RSBN1L: variants seen among roughly 807,000 people sequenced by gnomAD.
The protein encoded by RSBN1L is lysine-specific demethylase RSBN1L.
RSBN1L carries 30 observed loss-of-function variants against 67.7 expected under a neutral mutation model. That is an observed-to-expected ratio of 0.44 (90% CI 0.33 to 0.60). The LOEUF (loss-of-function observed/expected upper bound fraction) is 0.60, where lower values mean the gene tolerates loss of function less well. RSBN1L is among the 20% of genes least tolerant of loss of function. RSBN1L has a pLI of 0.02. For missense variants in RSBN1L, 992 were observed against 1,031.7 expected, an observed-to-expected ratio of 0.96 and a Z score of 0.53; for synonymous variants, 433 against 387.0, an observed-to-expected ratio of 1.12 and a Z score of -1.39.
At chr7:77,760,351 A>G (rs1013865337) in intron 3 of RSBN1L, among the ~76,000 whole-genome samples, 1 of 152,088 alleles carries the variant, frequency 6.6e-6, no homozygotes, top group Non-Finnish European at 1.5e-5. Context: ...TCCCTTCATA[A>G]TATTTATAGA....
In RSBN1L at chr7:77,716,061, T is replaced by C. The variant is rs955700307; in HGVS notation, c.586+19006T>C. Among the ~76,000 whole-genome samples, 6 of 152,168 alleles carry C rather than the reference T, an allele frequency of 3.9e-5. No individual in the cohort carries two copies. The East Asian group carries it at 1.2e-3, about 29-fold the overall frequency. ...CTGTCTTTTCTTTCTCTTAATACTT[T>C]CACAGTTTTTCATAGCAGAAATTTA... On this transcript the variant is annotated intron_variant, in intron 1 of 7. Coordinates refer to ENST00000334955, the MANE Select transcript of RSBN1L (RefSeq NM_198467.3).
In RSBN1L at chr7:77,730,021, C is replaced by T. The variant is rs566072180; in HGVS notation, c.587-6389C>T. Reference sequence around the variant, plus strand: ...TCTTTATGTGTGGGCTAAACACATACTTTATATATGTTTAAAAAGTGTGTG... The same window carrying T: ...TCTTTATGTGTGGGCTAAACACATATTTTATATATGTTTAAAAAGTGTGTG... On this transcript the variant is annotated intron_variant, in intron 1 of 7. Coordinates refer to ENST00000334955, the MANE Select transcript of RSBN1L (RefSeq NM_198467.3). 2.6e-5 allele frequency among the ~76,000 whole-genome samples: 4 copies of T among 152,258 alleles called. No individual in the cohort carries two copies. The South Asian group carries it at 8.3e-4, about 32-fold the overall frequency.
chr7:77,725,801 G>C (rs190867701), intron 1 of RSBN1L, among the ~76,000 whole-genome samples: 6 of 151,452 alleles, frequency 4.0e-5, no homozygotes, highest in African/African-American at 1.5e-4. Context: ...TGTTGGTCAG[G>C]TTGGTCTGGA....
At chr7:77,700,776 A>G (rs1790805312) in intron 1 of RSBN1L, among the ~76,000 whole-genome samples, 1 of 152,046 alleles carries the variant, frequency 6.6e-6, no homozygotes, top group Non-Finnish European at 1.5e-5. Flanking sequence ...TGTACCCTCC[A>G]GTAGCTCCAT....
chr7:77,732,886 A>T (rs1030627949), intron 1 of RSBN1L, among the ~76,000 whole-genome samples: 1 of 152,210 alleles, frequency 6.6e-6, no homozygotes, highest in Non-Finnish European at 1.5e-5. Context: ...TTTGTCAGTT[A>T]TCTAGGTTGT....
chr7:77,773,429 A>G (rs10953349), intron 6 of RSBN1L, 115 bp downstream of exon 6: 262,250 of 661,936 alleles, frequency 0.4, 53,440 homozygotes, highest in African/African-American at 0.51. Context: ...TTTTACCCGT[A>G]TTTGGATATC....
At chr7:77,738,073 G>GTTTA (rs1163431463) in intron 2 of RSBN1L, among the ~76,000 whole-genome samples, 2 of 150,988 alleles carry the variant, frequency 1.3e-5, no homozygotes, top group Admixed American at 6.6e-5. Context: ...TTTACCCTTG[G>GTTTA]TTTAGCCCAA....
intron 3 of RSBN1L, among the ~76,000 whole-genome samples, chr7:77,755,767 C>G (rs535226464): frequency 3.3e-5 from 5 of 152,274 alleles, no homozygotes; most frequent in East Asian, 1.9e-4. Context: ...GCCGCTTGAC[C>G]TAACTATGAA....
chr7:77,731,747 C>T (rs1791274900), intron 1 of RSBN1L, among the ~76,000 whole-genome samples: 2 of 151,372 alleles, frequency 1.3e-5, no homozygotes, highest in Non-Finnish European at 2.9e-5. Flanking sequence ...TCTATTGTGC[C>T]TTTGGTGCTG....
chr7:77,767,397 G>A (rs1432469690), intron 4 of RSBN1L, among the ~76,000 whole-genome samples: 1 of 151,452 alleles, frequency 6.6e-6, no homozygotes, highest in Non-Finnish European at 1.5e-5. Flanking sequence ...GGTTTCAGAT[G>A]GAGTCTCGCT....
intron 1 of RSBN1L, among the ~76,000 whole-genome samples, chr7:77,727,090 T>C (rs926620349): frequency 4.0e-4 from 35 of 87,732 alleles, no homozygotes; most frequent in South Asian, 8.2e-4. Context: ...CATCATCTGC[T>C]TTTTTTTTTT....
chr7:77,701,555 A>C (rs569212271), intron 1 of RSBN1L, among the ~76,000 whole-genome samples: 1 of 152,040 alleles, frequency 6.6e-6, no homozygotes, highest in South Asian at 2.1e-4. Flanking sequence ...TATCTGGGGA[A>C]TGTCAATCCT....
At chr7:77,708,728 A>G (rs1790928511) in intron 1 of RSBN1L, among the ~76,000 whole-genome samples, 1 of 152,072 alleles carries the variant, frequency 6.6e-6, no homozygotes, top group South Asian at 2.1e-4. Context: ...GTTTTTTAGG[A>G]GGGTGATAAT....
intron 1 of RSBN1L, among the ~76,000 whole-genome samples, chr7:77,728,136 A>G (rs1435261201): frequency 6.6e-6 from 1 of 152,028 alleles, no homozygotes; most frequent in Non-Finnish European, 1.5e-5. Flanking sequence ...CTGCTCTTTT[A>G]TGCTGGGTCC....
At chr7:77,705,052 T>C (rs948803670) in intron 1 of RSBN1L, among the ~76,000 whole-genome samples, 1 of 152,076 alleles carries the variant, frequency 6.6e-6, no homozygotes, top group African/African-American at 2.4e-5. Context: ...CCCCAAACTA[T>C]CATTAATTGA....
chr7:77,714,257 C>T (rs1006260988), intron 1 of RSBN1L, among the ~76,000 whole-genome samples: 1 of 152,028 alleles, frequency 6.6e-6, no homozygotes, highest in Non-Finnish European at 1.5e-5. Context: ...TAGATTTGCC[C>T]TTTTTAGGTA....
intron 1 of RSBN1L, among the ~76,000 whole-genome samples, chr7:77,722,600 C>T (rs149837910): frequency 1.4e-3 from 212 of 152,158 alleles, no homozygotes; most frequent in South Asian, 2.3e-3. Flanking sequence ...TTTACTGTAT[C>T]CTTCATCTCC....
intron 3 of RSBN1L, among the ~76,000 whole-genome samples, chr7:77,760,664 A>T (rs117775485): frequency 3.3e-5 from 5 of 152,134 alleles, no homozygotes; most frequent in Non-Finnish European, 5.9e-5. Flanking sequence ...ACTGAGTTTC[A>T]CTTTTATCAC....
chr7:77,728,383 C>T (rs963163786), intron 1 of RSBN1L, among the ~76,000 whole-genome samples: 6 of 152,178 alleles, frequency 3.9e-5, no homozygotes, highest in African/African-American at 1.2e-4. Context: ...CATCTGTGTA[C>T]TGTTACTGTT....
Sources: allele counts gnomAD v4.1 joint callset (sites outside exome capture counted in the v4.1 genomes callset), GRCh38; gene constraint gnomAD v4.1.1; transcripts MANE v1.5; gene names NCBI Gene and HGNC (gene_info 2026-07-23, HGNC 2026-07-21).